Variants in TBC1D32 observed in about 807,000 individuals in gnomAD.
TBC1D32 encodes protein broad-minded.
Under a neutral mutation model 170.3 loss-of-function variants are expected in TBC1D32, and 151 were observed. That is an observed-to-expected ratio of 0.89 (90% CI 0.78 to 1.01). The LOEUF is 1.01. Ranked by LOEUF, TBC1D32 falls within the 50% of genes least tolerant of loss-of-function variation. The pLI is 0.00. For synonymous variants in TBC1D32, 498 were observed against 488.0 expected (o/e 1.02, Z -0.27); for missense variants, 1,464 against 1,457.1 (o/e 1.00, Z -0.08).
At chr6:121,186,482 G>A (rs1177878518) in intron 22 of TBC1D32, among the ~76,000 whole-genome samples, 1 of 152,004 alleles carries the variant, frequency 6.6e-6, no homozygotes, top group Non-Finnish European at 1.5e-5. Context: ...AACCAGTGGG[G>A]TTGTTTGAAT....
chr6:121,221,784 A>G (rs1794555552), intron 21 of TBC1D32, among the ~76,000 whole-genome samples: 1 of 152,228 alleles, frequency 6.6e-6, no homozygotes, highest in Admixed American at 6.5e-5. Context: ...ATGGATGAGC[A>G]AAGATGGAAT....
At chr6:121,118,423 A>G (rs1178552221) in intron 26 of TBC1D32, among the ~76,000 whole-genome samples, 1 of 152,212 alleles carries the variant, frequency 6.6e-6, no homozygotes, top group Non-Finnish European at 1.5e-5. Flanking sequence ...TTTTAACTAT[A>G]AATGCAATAG....
intron 31 of TBC1D32, among the ~76,000 whole-genome samples, chr6:121,088,764 G>A (rs138264308): frequency 1.4e-4 from 22 of 152,242 alleles, no homozygotes; most frequent in Middle Eastern, 6.8e-3. Flanking sequence ...TAGGACACAC[G>A]CTAAAATTAA....
At chr6:121,242,639 T>C (rs918693895) in intron 17 of TBC1D32, among the ~76,000 whole-genome samples, 4 of 152,136 alleles carry the variant, frequency 2.6e-5, no homozygotes, top group Admixed American at 2.6e-4. Flanking sequence ...AATTTCCTTC[T>C]ATTTTCCTAT....
chr6:121,199,639 G>A (rs1791278392), intron 22 of TBC1D32, among the ~76,000 whole-genome samples: 1 of 150,964 alleles, frequency 6.6e-6, no homozygotes, highest in South Asian at 2.1e-4. Context: ...GTGTGTATAT[G>A]TATATATGTA....
chr6:121,093,773 T>C (rs1777086630), intron 30 of TBC1D32, among the ~76,000 whole-genome samples: 1 of 152,154 alleles, frequency 6.6e-6, no homozygotes, highest in Non-Finnish European at 1.5e-5. Context: ...ATATAATACC[T>C]ATATTTTTCC....
intron 24 of TBC1D32, among the ~76,000 whole-genome samples, chr6:121,144,615 C>T (rs1165874431): frequency 6.6e-6 from 1 of 151,980 alleles, no homozygotes; most frequent in Non-Finnish European, 1.5e-5. Flanking sequence ...TTATCTGAGA[C>T]ATGTTAAGTT....
intron 30 of TBC1D32, among the ~76,000 whole-genome samples, chr6:121,103,400 A>C (rs954294500): frequency 2.0e-5 from 3 of 152,040 alleles, no homozygotes; most frequent in Non-Finnish European, 4.4e-5. Context: ...AATACTATGC[A>C]GCCATAAAAA....
intron 22 of TBC1D32, among the ~76,000 whole-genome samples, chr6:121,185,128 C>T (rs564053923): frequency 5.3e-5 from 8 of 151,872 alleles, no homozygotes; most frequent in African/African-American, 1.4e-4. Context: ...CAAATCAGTA[C>T]CTGAAGTCTC....
intron 30 of TBC1D32, among the ~76,000 whole-genome samples, chr6:121,101,398 T>C (rs1182642181): frequency 6.6e-6 from 1 of 151,646 alleles, no homozygotes; most frequent in East Asian, 1.9e-4. Context: ...CAAGATCAAG[T>C]GGGCTTCATC....
chr6:121,303,774 G>A lies in TBC1D32; in HGVS notation c.936-13C>T. Reference sequence around the variant, plus strand: ...TTCTTCCATATACCTTAAAGTTTGGGAAAAAAGAAATACAATTACACATAT... The same window carrying A: ...TTCTTCCATATACCTTAAAGTTTGGAAAAAAAGAAATACAATTACACATAT... On this transcript the variant is annotated splice_polypyrimidine_tract_variant and intron_variant, in intron 8 of 31. Coordinates refer to ENST00000398212, the MANE Select transcript of TBC1D32 (RefSeq NM_152730.6). 1.3e-6 allele frequency: 2 copies of A among 1,491,400 alleles called. No homozygotes were observed. The highest frequency in any genetic ancestry group is 1.8e-6 in the Non-Finnish European group (2 of 1,104,602). 92.4% of individuals were successfully genotyped at this position (1,491,400 alleles called of 1,614,324 possible).
chr6:121,225,357 A>T (rs1465411532), intron 20 of TBC1D32, among the ~76,000 whole-genome samples: 9 of 152,046 alleles, frequency 5.9e-5, no homozygotes, highest in Non-Finnish European at 1.3e-4. Flanking sequence ...CTTAATATTA[A>T]TCCAGCAATA....
At chr6:121,101,058 C>T (rs546956357) in intron 30 of TBC1D32, among the ~76,000 whole-genome samples, 6 of 152,030 alleles carry the variant, frequency 3.9e-5, no homozygotes, top group Admixed American at 6.6e-5. Context: ...ATTCCTGAAT[C>T]GACCAATAAC....
chr6:121,176,806 C>G (rs1312977358), intron 22 of TBC1D32, among the ~76,000 whole-genome samples: 1 of 152,090 alleles, frequency 6.6e-6, no homozygotes, highest in African/African-American at 2.4e-5. Context: ...ACCATGTTGG[C>G]CAGGCTGATC....
intron 22 of TBC1D32, among the ~76,000 whole-genome samples, chr6:121,195,751 G>A (rs112419461): frequency 0.017 from 2,660 of 152,214 alleles, 27 homozygotes; most frequent in South Asian, 0.041. Flanking sequence ...GTTCACAGAT[G>A]GTTCTGCACG....
intron 30 of TBC1D32, among the ~76,000 whole-genome samples, chr6:121,098,972 G>A (rs1036708732): frequency 5.9e-5 from 9 of 152,054 alleles, no homozygotes; most frequent in Non-Finnish European, 1.3e-4. Flanking sequence ...CAAGGGCCAT[G>A]CCCAGCATTC....
chr6:121,226,079 CT>C (rs1795019412), intron 20 of TBC1D32, among the ~76,000 whole-genome samples: 1 of 152,048 alleles, frequency 6.6e-6, no homozygotes, highest in African/African-American at 2.4e-5. Context: ...AAGAAGTTTT[CT>C]TATAAATTAA....
intron 22 of TBC1D32, among the ~76,000 whole-genome samples, chr6:121,162,567 AG>A (rs1785867139): frequency 6.6e-6 from 1 of 152,178 alleles, no homozygotes; most frequent in Non-Finnish European, 1.5e-5. Context: ...ATCATGCAAG[AG>A]AAAGAAATCA....
chr6:121,213,351 G>A (rs911635814), intron 21 of TBC1D32, among the ~76,000 whole-genome samples: 1 of 151,926 alleles, frequency 6.6e-6, no homozygotes, highest in Non-Finnish European at 1.5e-5. Context: ...CTTCAGAAAA[G>A]ATTCAGGATA....
Sources: gnomAD v4.1 joint callset for allele counts (sites outside exome capture counted in the v4.1 genomes callset) on GRCh38, gnomAD v4.1.1 for gene constraint, MANE v1.5 for transcripts, NCBI Gene and HGNC (gene_info 2026-07-23, HGNC 2026-07-21) for gene names.